The following TAF4B variants were observed in gnomAD, a reference collection of about 807,000 sequenced individuals.
TAF4B encodes transcription initiation factor TFIID subunit 4B.
In TAF4B, 38 loss-of-function variants were observed where a neutral mutation model predicts 86.4. The ratio of observed to expected loss-of-function variants is 0.44; its 90% CI spans 0.34 to 0.58. TAF4B has a LOEUF of 0.58. Ranked by LOEUF, TAF4B falls within the 20% of genes least tolerant of loss-of-function variation. The pLI is 0.02. For synonymous variants in TAF4B, 388 were observed against 391.2 expected, an observed-to-expected ratio of 0.99 and a Z score of 0.10; for missense variants, 988 against 1,027.6, an observed-to-expected ratio of 0.96 and a Z score of 0.53.
At chr18:26,289,417 C>T (rs575538048) in intron 7 of TAF4B, among the ~76,000 whole-genome samples, 1 of 152,328 alleles carries the variant, frequency 6.6e-6, no homozygotes, top group African/African-American at 2.4e-5. Context: ...CTTTAATAAT[C>T]ATGGATTTAA....
At chr18:26,267,081 C>G (rs1474761546) in intron 2 of TAF4B, 1 of 152,592 alleles carries the variant, frequency 6.6e-6, no homozygotes, top group Non-Finnish European at 1.5e-5. Flanking sequence ...GTCATTTTCT[C>G]TGTTACTGTA....
intron 14 of TAF4B, among the ~76,000 whole-genome samples, chr18:26,384,325 A>T (rs1336669145): frequency 2.0e-5 from 3 of 152,184 alleles, no homozygotes; most frequent in Non-Finnish European, 4.4e-5. Flanking sequence ...GATTCAGGGA[A>T]TTGAATGAAA....
intron 3 of TAF4B, among the ~76,000 whole-genome samples, chr18:26,268,090 A>C (rs2056265187): frequency 6.6e-6 from 1 of 152,182 alleles, no homozygotes; most frequent in African/African-American, 2.4e-5. Flanking sequence ...CTCTCTGTTC[A>C]GTCACTGGAT....
At chr18:26,249,140 C>T (rs1326220162) in intron 1 of TAF4B, among the ~76,000 whole-genome samples, 1 of 147,580 alleles carries the variant, frequency 6.8e-6, no homozygotes, top group African/African-American at 2.5e-5. Flanking sequence ...CCACTGCACT[C>T]CAATCTGGTG....
At chr18:26,346,364 C>T (rs2057179315) in intron 13 of TAF4B, among the ~76,000 whole-genome samples, 1 of 141,474 alleles carries the variant, frequency 7.1e-6, no homozygotes, top group Non-Finnish European at 1.5e-5. Flanking sequence ...TTATGGGACA[C>T]CATGAAGCAA....
intron 13 of TAF4B, among the ~76,000 whole-genome samples, chr18:26,337,930 T>G (rs952948227): frequency 2.6e-5 from 4 of 152,202 alleles, no homozygotes; most frequent in African/African-American, 9.6e-5. Flanking sequence ...GATTTAGAAC[T>G]GATCTGTTTT....
Position 26,390,889 on chromosome 18 carries a change from A to G in TAF4B, c.*877A>G, listed in dbSNP as rs1039493787. Reference sequence around the variant, plus strand: ...AAAAATCACAGCACAACCAGAAAGGAGAATGTACCAGATGTTTTCAAATTA... The same window carrying G: ...AAAAATCACAGCACAACCAGAAAGGGGAATGTACCAGATGTTTTCAAATTA... On this transcript the variant is annotated 3_prime_UTR_variant, in exon 15 of 15. Coordinates refer to ENST00000269142, the MANE Select transcript of TAF4B (RefSeq NM_005640.3). 2.0e-5 allele frequency: 3 copies of G among 152,228 alleles called. No individual in the cohort carries two copies. The highest frequency in any genetic ancestry group is 7.2e-5 in the African/African-American group (3 of 41,460). 9.4% of individuals were successfully genotyped at this position (152,228 alleles called of 1,614,324 possible).
At chr18:26,389,706 T>G (rs1598849333) in intron 14 of TAF4B, 139 bp from the exon 15 acceptor site, 6 of 826,888 alleles carry the variant, frequency 7.3e-6, no homozygotes, top group East Asian at 5.5e-5. Flanking sequence ...GAGGACAGGG[T>G]TAGGTCTTCA....
At chr18:26,327,226 A>T in intron 12 of TAF4B, 86 bp downstream of exon 12, 1 of 1,494,762 alleles carries the variant, frequency 6.7e-7, no homozygotes, top group Admixed American at 2.0e-5. Flanking sequence ...TCTTGGTTTT[A>T]TTAGGCCTTT....
chr18:26,314,519 A>G (rs2056882695), intron 9 of TAF4B, among the ~76,000 whole-genome samples: 1 of 152,202 alleles, frequency 6.6e-6, no homozygotes, highest in Non-Finnish European at 1.5e-5. Context: ...TATATTTTAT[A>G]TATAGGCCAT....
rs780070883 is a variant in TAF4B, at chr18:26,315,393, A to G, written c.1997A>G (p.Asp666Gly). The change falls in exon 10 of 15, where the codon GAC becomes GGC. Residue 666 changes from aspartate to glycine, a missense_variant. Asp to Gly is a moderately conservative substitution (Grantham distance 94). Around this residue, in one of 3 missense-constraint regions of TAF4B, gnomAD observed 216 missense variants for 238.4 expected, o/e 0.91. Transcript: ENST00000269142. ...FIGALQKRILDIGKKHDITEL... is the reference protein window; with the variant it reads ...FIGALQKRILGIGKKHDITEL... ...GGAGCTCTACAAAAGAGAATTTTAGACATTGGTAAGTGTAGAGTTATGATT... is the reference window on the plus strand; with the variant it reads ...GGAGCTCTACAAAAGAGAATTTTAGGCATTGGTAAGTGTAGAGTTATGATT... 97 of 1,611,086 alleles carry G rather than the reference A, an allele frequency of 6.0e-5. No homozygotes were observed. The highest frequency in any genetic ancestry group is 8.0e-5 in the Non-Finnish European group (94 of 1,179,208).
intron 5 of TAF4B, among the ~76,000 whole-genome samples, chr18:26,279,423 A>G (rs1305035688): frequency 2.0e-5 from 3 of 152,124 alleles, no homozygotes; most frequent in African/African-American, 7.2e-5. Flanking sequence ...GCCCAAAGCA[A>G]TTGACAGATT....
At chr18:26,307,797 T>G (rs187019952) in intron 9 of TAF4B, among the ~76,000 whole-genome samples, 54 of 152,304 alleles carry the variant, frequency 3.5e-4, no homozygotes, top group African/African-American at 1.1e-3. Context: ...TCATCATATA[T>G]AATTCATTGT....
intron 9 of TAF4B, among the ~76,000 whole-genome samples, chr18:26,300,307 TTTATTATTATTATTA>T (rs57272091): frequency 2.8e-5 from 4 of 145,382 alleles, no homozygotes; most frequent in Non-Finnish European, 4.5e-5. Context: ...AATGTAGGCA[TTTATTATTATTATTA>T]TTATTATTAT....
intron 13 of TAF4B, among the ~76,000 whole-genome samples, chr18:26,347,799 C>T (rs2057212157): frequency 6.6e-6 from 1 of 152,098 alleles, no homozygotes; most frequent in African/African-American, 2.4e-5. Flanking sequence ...ACAAAACAGA[C>T]TTCAAGACAA....
intron 3 of TAF4B, among the ~76,000 whole-genome samples, chr18:26,270,014 A>C (rs1224049810): frequency 6.6e-6 from 1 of 152,240 alleles, no homozygotes; most frequent in Non-Finnish European, 1.5e-5. Context: ...GACTATCAGT[A>C]CTTCGAGTAT....
chr18:26,366,786 AAGT>A (rs1157031676), intron 14 of TAF4B, among the ~76,000 whole-genome samples: 1 of 152,220 alleles, frequency 6.6e-6, no homozygotes, highest in East Asian at 1.9e-4. Flanking sequence ...GTTGTTAATT[AAGT>A]ATTGGCAGTT....
rs75981934 is a variant in TAF4B, at chr18:26,265,281, C to T, written c.455C>T (p.Ala152Val). Residue 152 changes from alanine (A) to valine (V), a missense_variant, in exon 2 of 15, where the codon GCG becomes GTG. By Grantham distance (64) the Ala-to-Val change is moderately conservative. This residue lies in a region of TAF4B where 747 missense variants were observed against 737.9 expected (regional missense o/e 1.01). Transcript: ENST00000269142. The stretch of plus-strand genomic sequence containing the variant: ...ATAACCTCAAGGCCAGCAGTACCAG[C>T]GAATCCTCAAACAGTCAAAATCTGT... ...SNITSRPAVP[A>V]NPQTVKICTV... The T allele has an allele frequency of 2.0e-3, 3,156 of 1,613,804 alleles. 31 individuals carry two copies. In the African/African-American group the frequency reaches 0.034, roughly 17 times the overall value.
At position 26,255,598 on chromosome 18, in the gene TAF4B, G is replaced by A. The variant is rs187982359; in HGVS notation, c.344-9572G>A. The A allele has an allele frequency of 1.0e-5, 4 of 399,432 alleles. No homozygotes were observed. In the East Asian group the frequency reaches 1.2e-4, roughly 12 times the overall value. 24.7% of individuals were successfully genotyped at this position (399,432 alleles called of 1,614,324 possible). ...GCCTGGACAACAAGAGCAAAACTCTGTCTCCAAAAAAAAAAAAAAAGAGGG... is the reference window on the plus strand; with the variant it reads ...GCCTGGACAACAAGAGCAAAACTCTATCTCCAAAAAAAAAAAAAAAGAGGG... On this transcript the variant is annotated intron_variant, in intron 1 of 14. Transcript: ENST00000269142.
Sources: gnomAD v4.1 joint callset for allele counts (sites outside exome capture counted in the v4.1 genomes callset) on GRCh38, gnomAD v4.1.1 for gene constraint, gnomAD v4.1.1 regional missense constraint, MANE v1.5 for transcripts, NCBI Gene and HGNC (gene_info 2026-07-23, HGNC 2026-07-21) for gene names.